The following GRID2 variants were observed in gnomAD, a reference collection of about 807,000 sequenced individuals.
GRID2 encodes glutamate receptor ionotropic, delta-2.
GRID2 carries 33 observed loss-of-function variants against 114.8 expected under a neutral mutation model. The observed-to-expected ratio is 0.29, with a 90% CI of 0.22 to 0.38. The LOEUF is 0.38. Ranked by LOEUF, GRID2 falls within the 10% of genes least tolerant of loss-of-function variation. The probability of loss-of-function intolerance (pLI) is 1.00; values close to 1 mark genes in which losing one functional copy is unlikely to be tolerated. For synonymous variants in GRID2, 505 were observed against 449.9 expected, an observed-to-expected ratio of 1.12 and a Z score of -1.55; for missense variants, 1,184 against 1,257.7, an observed-to-expected ratio of 0.94 and a Z score of 0.89.
At chr4:92,544,060 A>T (rs1726115035) in intron 1 of GRID2, among the ~76,000 whole-genome samples, 1 of 152,120 alleles carries the variant, frequency 6.6e-6, no homozygotes, top group Non-Finnish European at 1.5e-5. Context: ...CTGAGAGCAG[A>T]CATGTTGCAC....
intron 1 of GRID2, among the ~76,000 whole-genome samples, chr4:92,521,684 A>G (rs575266560): frequency 5.1e-4 from 78 of 151,986 alleles, no homozygotes; most frequent in Non-Finnish European, 9.0e-4. Context: ...AACCAGCATG[A>G]TAAGAGTGAC....
intron 11 of GRID2, among the ~76,000 whole-genome samples, chr4:93,475,334 C>T (rs79400567): frequency 0.24 from 35,965 of 151,960 alleles, 4,694 homozygotes; most frequent in East Asian, 0.57. Context: ...CTGAAAATTA[C>T]GGAAGAAAAT....
At chr4:93,446,216 G>A (rs1396631673) in intron 10 of GRID2, among the ~76,000 whole-genome samples, 1 of 152,014 alleles carries the variant, frequency 6.6e-6, no homozygotes, top group Non-Finnish European at 1.5e-5. Flanking sequence ...TTCACATGGT[G>A]ATCCAGGGTT....
chr4:93,355,680 C>G (rs941603878), intron 8 of GRID2, among the ~76,000 whole-genome samples: 11 of 152,016 alleles, frequency 7.2e-5, no homozygotes, highest in African/African-American at 7.2e-5. Context: ...ACCTTTAGTC[C>G]ATAGACTGAA....
At chr4:92,441,450 A>G (rs1448717546) in intron 1 of GRID2, among the ~76,000 whole-genome samples, 1 of 152,096 alleles carries the variant, frequency 6.6e-6, no homozygotes, top group East Asian at 1.9e-4. Flanking sequence ...AGCATGTTTG[A>G]GATATAGAAC....
chr4:93,158,748 T>C (rs924143229), intron 4 of GRID2, among the ~76,000 whole-genome samples: 6 of 151,802 alleles, frequency 4.0e-5, no homozygotes, highest in Admixed American at 2.0e-4. Flanking sequence ...GTGGAATATG[T>C]GTAGATTATT....
At position 93,267,477 on chromosome 4, in the gene GRID2, T is replaced by G. The variant is rs76692829; in HGVS notation, c.1245+28987T>G. On this transcript the variant is annotated intron_variant, in intron 8 of 15. Transcript: ENST00000282020. ...GAGGTGCAGCCTGGTTTCCACAGCC[T>G]AGCAAGTGATATTGGGACCTGATGC... 5.9e-3 allele frequency among the ~76,000 whole-genome samples: 902 copies of G among 152,296 alleles called. 4 individuals carry two copies. Among genetic ancestry groups the G allele is most frequent in the Non-Finnish European group, 9.7e-3 (663 of 68,022 alleles).
At chr4:92,463,977 T>C (rs1721621771) in intron 1 of GRID2, among the ~76,000 whole-genome samples, 1 of 151,864 alleles carries the variant, frequency 6.6e-6, no homozygotes, top group Non-Finnish European at 1.5e-5. Context: ...TCTACTTCTC[T>C]TCCATTGAAA....
At chr4:92,306,170 G>T (rs992996486) in intron 1 of GRID2, among the ~76,000 whole-genome samples, 5 of 152,206 alleles carry the variant, frequency 3.3e-5, no homozygotes, top group Non-Finnish European at 7.3e-5. Context: ...TCCCTCTCTT[G>T]GTCTCAGAGG....
chr4:93,462,162 C>G (rs1474728917), intron 11 of GRID2, among the ~76,000 whole-genome samples: 1 of 152,132 alleles, frequency 6.6e-6, no homozygotes, highest in Non-Finnish European at 1.5e-5. Flanking sequence ...TAAGGAATAA[C>G]TCTTAACTAG....
intron 2 of GRID2, among the ~76,000 whole-genome samples, chr4:92,984,885 A>C (rs550505957): frequency 6.6e-6 from 1 of 152,212 alleles, no homozygotes; most frequent in South Asian, 2.1e-4. Flanking sequence ...AGTATGGGCA[A>C]TAAAATATCA....
In GRID2 at chr4:93,703,082, T is replaced by C. The variant is rs115685364; in HGVS notation, c.2361-66128T>C. 2.1e-3 allele frequency among the ~76,000 whole-genome samples: 314 copies of C among 152,298 alleles called. 2 individuals carry two copies. Among genetic ancestry groups the C allele is most frequent in the African/African-American group, 6.5e-3 (272 of 41,578 alleles). ...ATCACACTGGTTAACTTGTGTTAGA[T>C]AAATGAAGGTAAAAATTTGTCTCAT... On this transcript the variant is annotated intron_variant, in intron 14 of 15. Coordinates refer to ENST00000282020, the MANE Select transcript of GRID2 (RefSeq NM_001510.4).
intron 13 of GRID2, among the ~76,000 whole-genome samples, chr4:93,530,022 T>A (rs544514443): frequency 1.3e-5 from 2 of 152,282 alleles, no homozygotes; most frequent in South Asian, 4.1e-4. Flanking sequence ...AGGAATCATT[T>A]TCATTGCCTT....
intron 13 of GRID2, among the ~76,000 whole-genome samples, chr4:93,548,214 A>G (rs1475632676): frequency 6.6e-6 from 1 of 152,130 alleles, no homozygotes; most frequent in Admixed American, 6.5e-5. Flanking sequence ...AGCTCTCTTC[A>G]TTTTAAATTT....
chr4:93,575,397 C>G (rs1173100262), intron 13 of GRID2, among the ~76,000 whole-genome samples: 1 of 152,146 alleles, frequency 6.6e-6, no homozygotes, highest in East Asian at 1.9e-4. Flanking sequence ...GGCAAGGACT[C>G]TGTTCTAACA....
intron 2 of GRID2, among the ~76,000 whole-genome samples, chr4:93,027,832 G>A (rs1025002020): frequency 6.6e-6 from 1 of 151,934 alleles, no homozygotes; most frequent in South Asian, 2.1e-4. Flanking sequence ...TAATATAAAA[G>A]TTATTTCTAA....
intron 2 of GRID2, among the ~76,000 whole-genome samples, chr4:92,787,820 G>A (rs534175969): frequency 1.3e-4 from 19 of 151,892 alleles, no homozygotes; most frequent in South Asian, 6.2e-4. Context: ...TGCCTCCTAC[G>A]GTGATAGAAG....
chr4:92,908,828 C>T (rs962478848), intron 2 of GRID2, among the ~76,000 whole-genome samples: 1 of 152,016 alleles, frequency 6.6e-6, no homozygotes, highest in African/African-American at 2.4e-5. Context: ...TGTCTTAATC[C>T]TTCACTGGCT....
At chr4:93,348,459 A>G (rs561076732) in intron 8 of GRID2, among the ~76,000 whole-genome samples, 14 of 152,226 alleles carry the variant, frequency 9.2e-5, no homozygotes, top group Non-Finnish European at 1.9e-4. Flanking sequence ...TGAATAATTT[A>G]TAGTTAGTGT....
Sources: gnomAD v4.1 joint callset for allele counts (sites outside exome capture counted in the v4.1 genomes callset) on GRCh38, gnomAD v4.1.1 for gene constraint, MANE v1.5 for transcripts, NCBI Gene and HGNC (gene_info 2026-07-23, HGNC 2026-07-21) for gene names.